The following DHTKD1 variants were observed in gnomAD, a reference collection of about 807,000 sequenced individuals.
The protein encoded by DHTKD1 is dehydrogenase E1 and transketolase domain containing 1.
A neutral mutation model predicts 101.8 loss-of-function variants in DHTKD1; 78 were observed. The observed-to-expected ratio is 0.77, with a 90% CI of 0.64 to 0.93. The LOEUF (loss-of-function observed/expected upper bound fraction) is 0.93. Among genes scored for constraint, DHTKD1 ranks in the 40% least tolerant of loss-of-function variants. The probability of loss-of-function intolerance (pLI) is 0.00; values close to 1 mark genes in which losing one functional copy is unlikely to be tolerated. For missense variants in DHTKD1, 1,223 were observed against 1,161.7 expected (o/e 1.05, Z -0.77); for synonymous variants, 462 against 450.3 (o/e 1.03, Z -0.33).
rs1310441202 is a variant in DHTKD1, at chr10:12,107,071, G to T, written c.2047+675G>T. ...GCGATCTCGGCTCACTGCAAGCTCC[G>T]CCTACTGGGTTTGCACGATTCTCCT... On this transcript the variant is annotated intron_variant, in intron 11 of 16. Coordinates refer to ENST00000263035, the MANE Select transcript of DHTKD1 (RefSeq NM_018706.7). The surrounding 1 kb of genome is among the most constrained non-coding windows in gnomAD (Gnocchi z 4.1). 6.6e-6 allele frequency among the ~76,000 whole-genome samples: 1 copy of T among 150,928 alleles called. No individual in the cohort carries two copies. Among genetic ancestry groups the T allele is most frequent in the African/African-American group, 2.4e-5 (1 of 41,026 alleles).
intron 10 of DHTKD1, among the ~76,000 whole-genome samples, chr10:12,104,449 C>T (rs1012406476): frequency 2.0e-5 from 3 of 152,112 alleles, no homozygotes; most frequent in African/African-American, 7.2e-5. Flanking sequence ...GCTGAGATTA[C>T]AGGTGTGAGC....
At chr10:12,076,097 A>C (rs1832723533) in intron 1 of DHTKD1, among the ~76,000 whole-genome samples, 1 of 151,970 alleles carries the variant, frequency 6.6e-6, no homozygotes, top group African/African-American at 2.4e-5. Flanking sequence ...TGATGAGAGC[A>C]GTGCTGCATA....
chr10:12,089,162 G>C lies in DHTKD1; in HGVS notation c.894G>C (p.Val298=), dbSNP rs766853922. ...SHLEAVNPVA[V]GKTRGRQQSR... is the part of the protein sequence containing the mutation. ...TGGAGGCCGTCAACCCCGTGGCCGT[G>C]GGCAAAACTCGCGGCAGGCAGCAGT... Residue 298 remains valine, a synonymous_variant, in exon 5 of 17, where the codon GTG becomes GTC. Coordinates refer to ENST00000263035, the MANE Select transcript of DHTKD1 (RefSeq NM_018706.7). The C allele has an allele frequency of 3.7e-6, 6 of 1,614,020 alleles. No homozygotes were observed. In the South Asian group the frequency reaches 6.6e-5, roughly 18 times the overall value.
At chr10:12,117,846 ATCTCCCCTCTCCTATTTT>A (rs142437056) in intron 14 of DHTKD1, 91 bp downstream of exon 14, 38,190 of 379,162 alleles carry the variant, frequency 0.1, 18,257 homozygotes, top group South Asian at 0.27. Context: ...GGTGATGCAG[ATCTCCCCTCTCCTATTTT>A]TATTTATTTA....
At chr10:12,117,796 T>A in intron 14 of DHTKD1, 41 bp downstream of exon 14, 1 of 1,142,816 alleles carries the variant, frequency 8.8e-7, no homozygotes, top group Non-Finnish European at 1.3e-6. Flanking sequence ...GTGGCAGAAT[T>A]TTAATTAATG....
At chr10:12,098,103 T>C (rs968449537) in intron 8 of DHTKD1, 107 bp downstream of exon 8, 4 of 1,056,502 alleles carry the variant, frequency 3.8e-6, no homozygotes, top group East Asian at 5.1e-5. Flanking sequence ...CAAATATTTA[T>C]TGTGTGTCGT....
chr10:12,108,288 A>AT (rs1194788565), intron 12 of DHTKD1, among the ~76,000 whole-genome samples: 15 of 150,730 alleles, frequency 1.0e-4, no homozygotes, highest in East Asian at 5.8e-4. Context: ...TTTTATTTTT[A>AT]TTTTTTTTTG....
Position 12,107,761 on chromosome 10 carries a change from T to C in DHTKD1, c.2048-148T>C. On this transcript the variant is annotated intron_variant, in intron 11 of 16. Coordinates refer to ENST00000263035, the MANE Select transcript of DHTKD1 (RefSeq NM_018706.7). The surrounding 1 kb of genome is among the most constrained non-coding windows in gnomAD (Gnocchi z 4.1). ...AATGAAATGGACATTTCCCTAAGTA[T>C]AGCATAACAGTTCTAGAAGGTGCAT... The C allele has an allele frequency of 3.3e-6, 2 of 599,260 alleles. No homozygotes were observed. The highest frequency in any genetic ancestry group is 6.0e-6 in the Non-Finnish European group (2 of 334,070). The allele number at this position is 599,260 out of a possible 1,614,324, so 37.1% of individuals were successfully genotyped here. A position where few individuals can be genotyped will look rare whatever the true frequency, so the allele number is the denominator to read the frequency against.
At chr10:12,076,425 G>A (rs557560257) in intron 1 of DHTKD1, among the ~76,000 whole-genome samples, 34 of 151,268 alleles carry the variant, frequency 2.2e-4, no homozygotes, top group Admixed American at 1.6e-3. Flanking sequence ...GCAGTGAGCC[G>A]AGATGGTGCC....
Position 12,100,274 on chromosome 10 carries a change from C to CTTTTTTTTTTTTTTTTTTTTTTTTTT in DHTKD1, c.1756+22_1756+23insTTTTTTTTTTTTTTTTTTTTTTTTTT. ...TTTACTTGCTCAAGGTAAGAATTTT[C>CTTTTTTTTTTTTTTTTTTTTTTTTTT]TTTTTTTTTTCTGTTTTTTTTTTTT... On this transcript the variant is annotated intron_variant, in intron 9 of 16. Coordinates refer to ENST00000263035, the MANE Select transcript of DHTKD1 (RefSeq NM_018706.7). The CTTTTTTTTTTTTTTTTTTTTTTTTTT allele has an allele frequency of 8.5e-6, 3 of 351,658 alleles. No individual in the cohort carries two copies. Among genetic ancestry groups the CTTTTTTTTTTTTTTTTTTTTTTTTTT allele is most frequent in the South Asian group, 4.8e-5 (1 of 21,050 alleles). 21.8% of individuals were successfully genotyped at this position (351,658 alleles called of 1,614,324 possible).
chr10:12,097,379 TCTC>T (rs1468231668), intron 7 of DHTKD1, among the ~76,000 whole-genome samples: 1 of 152,148 alleles, frequency 6.6e-6, no homozygotes, highest in Non-Finnish European at 1.5e-5. Context: ...TTCAAGCAAT[TCTC>T]CTGCCTCAGC....
chr10:12,106,578 C>T (rs972856746), intron 11 of DHTKD1, among the ~76,000 whole-genome samples, 182 bp downstream of exon 11: 3 of 152,174 alleles, frequency 2.0e-5, no homozygotes, highest in African/African-American at 4.8e-5. Context: ...TAATGTGTTA[C>T]TGGGACAAAA....
At position 12,122,954 on chromosome 10, in the gene DHTKD1, A is replaced by G. The variant is rs1348543422; in HGVS notation, c.*2066A>G. 1 of 152,252 alleles carries G rather than the reference A, an allele frequency of 6.6e-6. No homozygotes were observed. Among genetic ancestry groups the G allele is most frequent in the Non-Finnish European group, 1.5e-5 (1 of 68,046 alleles). The allele number at this position is 152,252 out of a possible 1,614,324, so 9.4% of individuals were successfully genotyped here. Reference sequence around the variant, plus strand: ...CATGTCTTTCAGAATCCATGTACATATAGGCTGTTCTAGCCACAGTGGTAG... The same window carrying G: ...CATGTCTTTCAGAATCCATGTACATGTAGGCTGTTCTAGCCACAGTGGTAG... On this transcript the variant is annotated 3_prime_UTR_variant, in exon 17 of 17. Coordinates refer to ENST00000263035, the MANE Select transcript of DHTKD1 (RefSeq NM_018706.7).
intron 1 of DHTKD1, among the ~76,000 whole-genome samples, chr10:12,071,140 G>A (rs1342087094): frequency 1.3e-5 from 2 of 152,148 alleles, no homozygotes. Context: ...GTATTAGATT[G>A]GAAGAGTTCA....
chr10:12,080,832 C>A (rs1832804617), intron 1 of DHTKD1, among the ~76,000 whole-genome samples: 1 of 151,438 alleles, frequency 6.6e-6, no homozygotes, highest in Non-Finnish European at 1.5e-5. Context: ...TTTGAGAGGC[C>A]AAGATGAGTG....
In DHTKD1 at chr10:12,102,558, G is replaced by A. The variant is rs77540612; in HGVS notation, c.1896+1377G>A. ...TGGATCAAGTCAGATTGCCAAACTA[G>A]ATACTGAAATGTTTAGCATTCCCCT... On this transcript the variant is annotated intron_variant, in intron 10 of 16. Transcript: ENST00000263035. Among the ~76,000 whole-genome samples the A allele has an allele frequency of 9.3e-3, 1,410 of 151,820 alleles. 67 individuals carry two copies. Among genetic ancestry groups the A allele is most frequent in the Admixed American group, 0.078 (1,189 of 15,194 alleles).
At chr10:12,120,063 T>A in intron 15 of DHTKD1, 119 bp from the exon 16 acceptor site, 1 of 732,624 alleles carries the variant, frequency 1.4e-6, no homozygotes, top group Middle Eastern at 2.4e-4. Flanking sequence ...TTCTAGTGAA[T>A]GTGAATCCCT....
At chr10:12,118,033 G>A (rs1368634856) in intron 14 of DHTKD1, among the ~76,000 whole-genome samples, 3 of 151,846 alleles carry the variant, frequency 2.0e-5, no homozygotes, top group Non-Finnish European at 2.9e-5. Context: ...GGGATTACAG[G>A]TGCCCGCCAC....
chr10:12,111,858 C>T (rs1326381812), intron 12 of DHTKD1, among the ~76,000 whole-genome samples: 2 of 152,134 alleles, frequency 1.3e-5, no homozygotes, highest in Non-Finnish European at 2.9e-5. Flanking sequence ...GGGCCCATCT[C>T]AGACTGTTGG....
Sources: allele counts gnomAD v4.1 joint callset (sites outside exome capture counted in the v4.1 genomes callset), GRCh38; gene constraint gnomAD v4.1.1; non-coding constraint Gnocchi (gnomAD v3.1); transcripts MANE v1.5; gene names NCBI Gene and HGNC (gene_info 2026-07-23, HGNC 2026-07-21).